Variants in AGBL4 observed in about 807,000 individuals in gnomAD.
The protein encoded by AGBL4 is cytosolic carboxypeptidase 6.
A neutral mutation model predicts 66.4 loss-of-function variants in AGBL4; 58 were observed. That is an observed-to-expected ratio of 0.87 (90% confidence interval 0.71 to 1.09). AGBL4 has a LOEUF of 1.09. AGBL4 is among the 50% of genes least tolerant of loss of function. The pLI, the probability that AGBL4 is intolerant of heterozygous loss-of-function variation, is 0.00. For missense variants in AGBL4, 579 were observed against 631.0 expected, an observed-to-expected ratio of 0.92 and a Z score of 0.88; for synonymous variants, 234 against 222.9, an observed-to-expected ratio of 1.05 and a Z score of -0.44.
intron 3 of AGBL4, among the ~76,000 whole-genome samples, chr1:49,297,804 A>G (rs1181668000): frequency 6.6e-6 from 1 of 152,148 alleles, no homozygotes; most frequent in Non-Finnish European, 1.5e-5. Flanking sequence ...ACCTAAGCCT[A>G]TTATGATTTC....
intron 1 of AGBL4, among the ~76,000 whole-genome samples, chr1:50,002,356 G>GTTT (rs1373165563): frequency 9.0e-6 from 1 of 110,692 alleles, no homozygotes; most frequent in African/African-American, 3.9e-5. Context: ...ATCTGCCCTA[G>GTTT]TTCTTTTTTT....
At chr1:48,719,510 C>A (rs750096127) in intron 6 of AGBL4, among the ~76,000 whole-genome samples, 8 of 152,186 alleles carry the variant, frequency 5.3e-5, no homozygotes, top group Non-Finnish European at 8.8e-5. Context: ...CACAAAGCCC[C>A]ACCCTTCAGT....
At chr1:49,273,888 T>C (rs1644113491) in intron 3 of AGBL4, among the ~76,000 whole-genome samples, 1 of 152,060 alleles carries the variant, frequency 6.6e-6, no homozygotes, top group Admixed American at 6.6e-5. Context: ...TTCACCGTGT[T>C]AGCCAGGATG....
intron 2 of AGBL4, among the ~76,000 whole-genome samples, chr1:49,712,682 T>C (rs1647765008): frequency 6.6e-6 from 1 of 151,932 alleles, no homozygotes; most frequent in Admixed American, 6.6e-5. Context: ...CTAATGTATG[T>C]ATATGAAAAA....
At chr1:48,866,973 AC>A (rs1648158339) in intron 6 of AGBL4, among the ~76,000 whole-genome samples, 2 of 152,274 alleles carry the variant, frequency 1.3e-5, no homozygotes, top group East Asian at 3.9e-4. Flanking sequence ...CAGCCCTGCC[AC>A]CCATAGTCAA....
At chr1:49,572,864 C>T (rs1644358950) in intron 3 of AGBL4, among the ~76,000 whole-genome samples, 2 of 152,086 alleles carry the variant, frequency 1.3e-5, no homozygotes, top group South Asian at 4.1e-4. Context: ...GCAGACCCAT[C>T]CTTAATTGGG....
At chr1:48,929,447 A>C (rs184530698) in intron 5 of AGBL4, among the ~76,000 whole-genome samples, 2 of 152,074 alleles carry the variant, frequency 1.3e-5, no homozygotes, top group Non-Finnish European at 2.9e-5. Context: ...TTTAAAATCA[A>C]CTTATTTTTA....
intron 4 of AGBL4, among the ~76,000 whole-genome samples, chr1:49,238,995 GT>G: frequency 6.6e-6 from 1 of 152,258 alleles, no homozygotes; most frequent in East Asian, 1.9e-4. Flanking sequence ...GCTGTGTATA[GT>G]TTTAGCTGCG....
intron 6 of AGBL4, among the ~76,000 whole-genome samples, chr1:48,733,494 GA>G (rs1270109836): frequency 6.6e-6 from 1 of 152,118 alleles, no homozygotes; most frequent in East Asian, 1.9e-4. Flanking sequence ...ATCATATTTG[GA>G]AAAAGTAAAA....
chr1:49,299,175 G>T (rs1644698908), intron 3 of AGBL4, among the ~76,000 whole-genome samples: 1 of 152,016 alleles, frequency 6.6e-6, no homozygotes, highest in African/African-American at 2.4e-5. Context: ...TAAGTAACTT[G>T]GCATAGGTTA....
At chr1:49,275,453 T>C (rs982306279) in intron 3 of AGBL4, among the ~76,000 whole-genome samples, 1 of 152,130 alleles carries the variant, frequency 6.6e-6, no homozygotes, top group Non-Finnish European at 1.5e-5. Flanking sequence ...TATTAAAAAG[T>C]TCCAACAAAG....
At chr1:49,041,604 GA>G (rs1479653975) in intron 5 of AGBL4, among the ~76,000 whole-genome samples, 1 of 152,042 alleles carries the variant, frequency 6.6e-6, no homozygotes, top group East Asian at 1.9e-4. Context: ...TGGTCTTAAC[GA>G]AGAAACTTAT....
chr1:48,609,008 T>G (rs1028712126), intron 9 of AGBL4, among the ~76,000 whole-genome samples: 1 of 152,164 alleles, frequency 6.6e-6, no homozygotes, highest in African/African-American at 2.4e-5. Flanking sequence ...CTCAGTGTGG[T>G]GAAGTGACTT....
At chr1:48,587,217 G>A in intron 10 of AGBL4, 51 bp from the exon 11 acceptor site, 2 of 1,508,054 alleles carry the variant, frequency 1.3e-6, no homozygotes, top group South Asian at 1.3e-5. Context: ...GCTGCAAATT[G>A]GATTGTGGGC....
intron 3 of AGBL4, among the ~76,000 whole-genome samples, chr1:49,542,495 G>A (rs1404650563): frequency 6.6e-6 from 1 of 152,058 alleles, no homozygotes; most frequent in African/African-American, 2.4e-5. Flanking sequence ...TCATGGTGAG[G>A]GTCTGCGGCT....
intron 3 of AGBL4, among the ~76,000 whole-genome samples, chr1:49,537,949 G>T (rs1166012965): frequency 6.6e-6 from 1 of 150,536 alleles, no homozygotes; most frequent in African/African-American, 2.4e-5. Context: ...AAAGTCAACA[G>T]ATGTTGGTGA....
At chr1:48,929,587 A>T (rs1654871014) in intron 5 of AGBL4, among the ~76,000 whole-genome samples, 1 of 152,166 alleles carries the variant, frequency 6.6e-6, no homozygotes, top group African/African-American at 2.4e-5. Flanking sequence ...CTATATATTC[A>T]ATTAATGCCT....
intron 11 of AGBL4, among the ~76,000 whole-genome samples, chr1:48,545,300 G>A (rs754753864): frequency 1.3e-5 from 2 of 151,964 alleles, no homozygotes; most frequent in Admixed American, 1.3e-4. Context: ...TTAAAAATGG[G>A]CATTTTCTGG....
intron 3 of AGBL4, among the ~76,000 whole-genome samples, chr1:49,319,442 C>T (rs1054304630): frequency 2.0e-5 from 3 of 152,196 alleles, no homozygotes; most frequent in African/African-American, 7.2e-5. Flanking sequence ...GCACTCTAGG[C>T]TTGGTGTGGT....
Sources: allele counts gnomAD v4.1 joint callset (sites outside exome capture counted in the v4.1 genomes callset), GRCh38; gene constraint gnomAD v4.1.1; transcripts MANE v1.5; gene names NCBI Gene and HGNC (gene_info 2026-07-23, HGNC 2026-07-21).